Variants in LHFPL6 observed in about 807,000 individuals in gnomAD.
The protein encoded by LHFPL6 is LHFPL tetraspan subfamily member 6, also known as LHFPL tetraspan subfamily member 6 protein.
A neutral mutation model predicts 20.6 loss-of-function variants in LHFPL6; 9 were observed. The observed-to-expected ratio is 0.44, with a 90% CI of 0.26 to 0.76. The LOEUF is 0.76. Among genes scored for constraint, LHFPL6 ranks in the 30% least tolerant of loss-of-function variants. The pLI, the probability that LHFPL6 is intolerant of heterozygous loss-of-function variation, is 0.20. For missense variants in LHFPL6, 218 were observed against 253.5 expected (o/e 0.86, Z 0.95); for synonymous variants, 105 against 98.7 (o/e 1.06, Z -0.38).
chr13:39,493,741 C>T (rs1869008086), intron 2 of LHFPL6, among the ~76,000 whole-genome samples: 1 of 152,140 alleles, frequency 6.6e-6, no homozygotes, highest in Admixed American at 6.5e-5. Flanking sequence ...GTTAGTGAAT[C>T]AAGAGTGTCC....
intron 2 of LHFPL6, among the ~76,000 whole-genome samples, chr13:39,500,636 C>A (rs1196579818): frequency 1.3e-5 from 2 of 152,148 alleles, no homozygotes; most frequent in Non-Finnish European, 2.9e-5. Context: ...GATAGATTAA[C>A]AAGGATGTCA....
intron 2 of LHFPL6, among the ~76,000 whole-genome samples, chr13:39,463,686 T>A (rs547051967): frequency 6.6e-6 from 1 of 152,230 alleles, no homozygotes; most frequent in Admixed American, 6.5e-5. Context: ...ATTAGGCAAG[T>A]GAGGAGAGAA....
In LHFPL6 at chr13:39,539,675, G is replaced by A. The variant is rs1253393782; in HGVS notation, c.385+61157C>T. 5.3e-5 allele frequency among the ~76,000 whole-genome samples: 8 copies of A among 152,180 alleles called. No individual in the cohort carries two copies. The East Asian group carries it at 1.5e-3, about 29-fold the overall frequency. On this transcript the variant is annotated intron_variant, in intron 2 of 3. Transcript: ENST00000379589. ...TGAGGTCAGTATCTCTTACCAAGCA[G>A]GTGCAGATTCAATTAAAATGTGTGT...
chr13:39,395,875 G>A (rs2138374731), intron 2 of LHFPL6, among the ~76,000 whole-genome samples: 1 of 152,344 alleles, frequency 6.6e-6, no homozygotes, highest in African/African-American at 2.4e-5. Flanking sequence ...TGGTGGCAAA[G>A]CAAAGGTGAC....
At chr13:39,556,799 CA>C (rs1027436486) in intron 2 of LHFPL6, among the ~76,000 whole-genome samples, 2 of 151,646 alleles carry the variant, frequency 1.3e-5, no homozygotes, top group Non-Finnish European at 2.9e-5. Context: ...TCCATCTCTA[CA>C]AAAAAATAAA....
intron 2 of LHFPL6, among the ~76,000 whole-genome samples, chr13:39,438,859 G>A (rs555873102): frequency 6.6e-6 from 1 of 152,326 alleles, no homozygotes; most frequent in African/African-American, 2.4e-5. Flanking sequence ...AGATTTCAGA[G>A]GATGTACAGA....
chr13:39,373,546 C>T (rs1039989544), intron 3 of LHFPL6, among the ~76,000 whole-genome samples: 3 of 152,186 alleles, frequency 2.0e-5, no homozygotes, highest in Non-Finnish European at 4.4e-5. Context: ...ATTTATACAG[C>T]GTACTAGGGT....
intron 2 of LHFPL6, among the ~76,000 whole-genome samples, chr13:39,507,823 A>T (rs1869537692): frequency 6.6e-6 from 1 of 152,098 alleles, no homozygotes; most frequent in Admixed American, 6.5e-5. Context: ...ACAGGTACAC[A>T]GCAAGTAAAT....
intron 2 of LHFPL6, among the ~76,000 whole-genome samples, chr13:39,560,740 C>T (rs927995328): frequency 6.6e-6 from 1 of 152,086 alleles, no homozygotes; most frequent in Non-Finnish European, 1.5e-5. Context: ...TGGTCTCTAT[C>T]TCCTGACCTC....
chr13:39,443,876 G>A (rs1042920781), intron 2 of LHFPL6, among the ~76,000 whole-genome samples: 3 of 150,450 alleles, frequency 2.0e-5, no homozygotes, highest in Admixed American at 6.7e-5. Flanking sequence ...TTATACAATA[G>A]GCTTTTGTCT....
chr13:39,519,209 C>T (rs1042801958), intron 2 of LHFPL6, among the ~76,000 whole-genome samples: 1 of 150,954 alleles, frequency 6.6e-6, no homozygotes, highest in African/African-American at 2.4e-5. Context: ...GCACTCCAGC[C>T]TGGGTGACAA....
At chr13:39,447,222 T>C (rs950520273) in intron 2 of LHFPL6, among the ~76,000 whole-genome samples, 2 of 152,226 alleles carry the variant, frequency 1.3e-5, no homozygotes, top group Non-Finnish European at 2.9e-5. Flanking sequence ...AGGATCAATA[T>C]GCACTGAATT....
At chr13:39,363,613 G>A (rs1258271861) in intron 3 of LHFPL6, among the ~76,000 whole-genome samples, 1 of 152,106 alleles carries the variant, frequency 6.6e-6, no homozygotes, top group African/African-American at 2.4e-5. Context: ...CTGCTCCCCA[G>A]GACACCGACA....
At chr13:39,418,983 T>A (rs1400828619) in intron 2 of LHFPL6, among the ~76,000 whole-genome samples, 1 of 152,234 alleles carries the variant, frequency 6.6e-6, no homozygotes, top group Non-Finnish European at 1.5e-5. Context: ...TTCACCTTCC[T>A]TAAACGTTTC....
intron 2 of LHFPL6, among the ~76,000 whole-genome samples, chr13:39,580,007 A>G (rs1872231745): frequency 6.6e-6 from 1 of 152,234 alleles, no homozygotes; most frequent in Non-Finnish European, 1.5e-5. Flanking sequence ...GAAAATGTAT[A>G]TAAACATTTA....
chr13:39,493,368 G>A (rs181196269), intron 2 of LHFPL6, among the ~76,000 whole-genome samples: 172 of 151,030 alleles, frequency 1.1e-3, no homozygotes, highest in Non-Finnish European at 2.0e-3. Flanking sequence ...TCCTCAATGG[G>A]CACCAAAGCA....
intron 2 of LHFPL6, among the ~76,000 whole-genome samples, chr13:39,515,178 A>G (rs1404691052): frequency 6.6e-6 from 1 of 152,196 alleles, no homozygotes; most frequent in Non-Finnish European, 1.5e-5. Flanking sequence ...TATTTCTGAC[A>G]AGACACTGTC....
chr13:39,461,173 G>A (rs761032025), intron 2 of LHFPL6, among the ~76,000 whole-genome samples: 12 of 152,030 alleles, frequency 7.9e-5, no homozygotes, highest in Admixed American at 2.0e-4. Flanking sequence ...TGATCTTGTC[G>A]TTTTTATGGC....
At chr13:39,374,285 A>G (rs1056956263) in intron 3 of LHFPL6, among the ~76,000 whole-genome samples, 3 of 152,154 alleles carry the variant, frequency 2.0e-5, no homozygotes, top group Admixed American at 6.6e-5. Context: ...AGAAAACCAA[A>G]TATTGCATGT....
Sources: allele counts gnomAD v4.1 joint callset (sites outside exome capture counted in the v4.1 genomes callset), GRCh38; gene constraint gnomAD v4.1.1; transcripts MANE v1.5; gene names NCBI Gene and HGNC (gene_info 2026-07-23, HGNC 2026-07-21).